The following GCC2 variants were observed in gnomAD, a reference collection of about 807,000 sequenced individuals.
GCC2 encodes GRIP and coiled-coil domain-containing protein 2.
In GCC2, 120 loss-of-function variants were observed where a neutral mutation model predicts 210.6. The ratio of observed to expected loss-of-function variants is 0.57; its 90% CI spans 0.49 to 0.66. The LOEUF (loss-of-function observed/expected upper bound fraction) is 0.66. Among genes scored for constraint, GCC2 ranks in the 30% least tolerant of loss-of-function variants. GCC2 has a pLI of 0.00. For synonymous variants in GCC2, 703 were observed against 652.7 expected (o/e 1.08, Z -1.17); for missense variants, 1,868 against 1,871.9 (o/e 1.00, Z 0.04).
At chr2:108,484,476 C>T (rs1321929111) in intron 13 of GCC2, 165 bp downstream of exon 13, 5 of 456,878 alleles carry the variant, frequency 1.1e-5, no homozygotes, top group Admixed American at 4.1e-5. Context: ...AACTGTTTGC[C>T]ATTAAGTTGT....
At chr2:108,504,842 G>A (rs904338295) in intron 22 of GCC2, among the ~76,000 whole-genome samples, 8 of 151,986 alleles carry the variant, frequency 5.3e-5, no homozygotes, top group East Asian at 1.9e-4. Context: ...CATACACAGA[G>A]GTCTAAAACT....
At position 108,456,053 on chromosome 2, in the gene GCC2, T is replaced by C. The variant is rs1680257723; in HGVS notation, c.216+3587T>C. Among the ~76,000 whole-genome samples the C allele has an allele frequency of 3.3e-5, 5 of 152,200 alleles. No individual in the cohort carries two copies. In the South Asian group the frequency reaches 1.0e-3, roughly 32 times the overall value. ...AGGCTGTAGTGCAGTGGCATGATCT[T>C]GGCTCACTGCAAGCTCTGCCTTCCA... On this transcript the variant is annotated intron_variant, in intron 4 of 22. Coordinates refer to ENST00000309863, the MANE Select transcript of GCC2 (RefSeq NM_181453.4).
intron 4 of GCC2, among the ~76,000 whole-genome samples, chr2:108,464,992 A>G (rs1357980525): frequency 6.6e-6 from 1 of 152,172 alleles, no homozygotes; most frequent in East Asian, 1.9e-4. Context: ...CACACACTTT[A>G]AACAACCAAA....
chr2:108,498,137 T>TAACTAGCCC, intron 21 of GCC2, among the ~76,000 whole-genome samples: 1 of 147,898 alleles, frequency 6.8e-6, no homozygotes, highest in East Asian at 2.1e-4. Flanking sequence ...AACAAATCAC[T>TAACTAGCCC]AACTAGCCCA....
chr2:108,469,324 C>T (rs772547354), intron 5 of GCC2: 9 of 410,440 alleles, frequency 2.2e-5, no homozygotes, highest in South Asian at 5.5e-5. Flanking sequence ...TTACTAAAAG[C>T]GAAAAAAAGT....
chr2:108,507,407 C>CG (rs1455966161), intron 22 of GCC2, 153 bp from the exon 23 acceptor site: 1 of 298,882 alleles, frequency 3.3e-6, no homozygotes, highest in South Asian at 2.9e-5. Context: ...AAAAAAGAAC[C>CG]CCCCCCCCCA....
Position 108,470,326 on chromosome 2 carries a change from A to G in GCC2, c.997A>G (p.Lys333Glu). 1 of 1,611,110 alleles carries G rather than the reference A, an allele frequency of 6.2e-7. No homozygotes were observed. ...NTFVEQVVNE[K>E]VKHLEDTLKE... ...ATTTGTAGAACAAGTAGTAAATGAA[A>G]AAGTCAAACACTTAGAAGATACCTT... Residue 333 changes from lysine to glutamate, a missense_variant, in exon 6 of 23, where the codon AAA becomes GAA. This residue lies in a region of GCC2 where 1,847 missense variants were observed against 1,765.2 expected (regional missense o/e 1.05). Coordinates refer to ENST00000309863, the MANE Select transcript of GCC2 (RefSeq NM_181453.4).
chr2:108,506,084 TTAAAAACC>T lies in GCC2; in HGVS notation c.4985-1475_4985-1468del, dbSNP rs1388946784. ...CCTATGCACAAACCTTGTGAATATA[TTAAAAACC>T]AGTGACTTATGCACTTTAAAAAGGT... On this transcript the variant is annotated intron_variant, in intron 22 of 22. Transcript: ENST00000309863. 1.2e-4 allele frequency among the ~76,000 whole-genome samples: 18 copies of T among 152,280 alleles called. No individual in the cohort carries two copies. The Middle Eastern group carries it at 0.014, about 115-fold the overall frequency.
intron 9 of GCC2, among the ~76,000 whole-genome samples, chr2:108,480,717 A>G (rs772949760): frequency 6.6e-6 from 1 of 151,780 alleles, no homozygotes; most frequent in African/African-American, 2.4e-5. Flanking sequence ...ACATGGACAC[A>G]TACAGAGGAA....
intron 4 of GCC2, 68 bp downstream of exon 4, chr2:108,452,534 G>A (rs964479502): frequency 2.2e-6 from 2 of 906,784 alleles, no homozygotes; most frequent in Non-Finnish European, 3.7e-6. Flanking sequence ...GTCTGCTAGA[G>A]GCTATCTGGC....
intron 4 of GCC2, among the ~76,000 whole-genome samples, chr2:108,464,535 A>G (rs145317462): frequency 5.9e-4 from 90 of 152,308 alleles, no homozygotes; most frequent in African/African-American, 1.9e-3. Flanking sequence ...GGACCCTTCT[A>G]TGGCTAGGAT....
At chr2:108,463,509 T>C (rs1430583963) in intron 4 of GCC2, among the ~76,000 whole-genome samples, 1 of 152,166 alleles carries the variant, frequency 6.6e-6, no homozygotes, top group Admixed American at 6.5e-5. Flanking sequence ...TGACTTAGGG[T>C]GCAGTTGTTA....
chr2:108,457,898 G>A (rs537961262), intron 4 of GCC2, among the ~76,000 whole-genome samples: 23 of 152,138 alleles, frequency 1.5e-4, no homozygotes, highest in Non-Finnish European at 2.9e-4. Flanking sequence ...CATGTTTCCA[G>A]TTTGGATGTC....
At chr2:108,483,679 G>C (rs1348442537) in intron 12 of GCC2, among the ~76,000 whole-genome samples, 2 of 152,178 alleles carry the variant, frequency 1.3e-5, no homozygotes, top group Non-Finnish European at 2.9e-5. Flanking sequence ...CTAGGCTCCT[G>C]AGTTACAAGA....
At chr2:108,474,620 A>AT (rs1681411795) in intron 7 of GCC2, among the ~76,000 whole-genome samples, 1 of 152,098 alleles carries the variant, frequency 6.6e-6, no homozygotes, top group Non-Finnish European at 1.5e-5. Context: ...GGGTGGTTTA[A>AT]TTTTTTTATT....
chr2:108,457,307 G>T (rs1680325288), intron 4 of GCC2, among the ~76,000 whole-genome samples: 2 of 152,074 alleles, frequency 1.3e-5, no homozygotes, highest in Non-Finnish European at 2.9e-5. Flanking sequence ...TAAATATGAG[G>T]ATTTATTTTT....
chr2:108,493,176 A>C (rs1573226367), intron 19 of GCC2: 1 of 247,030 alleles, frequency 4.0e-6, no homozygotes, highest in Non-Finnish European at 7.8e-6. Flanking sequence ...TGCAAGCTCC[A>C]CCTCCCGAGT....
intron 4 of GCC2, among the ~76,000 whole-genome samples, chr2:108,468,275 A>G (rs1681007879): frequency 6.6e-6 from 1 of 152,116 alleles, no homozygotes; most frequent in East Asian, 1.9e-4. Context: ...CATGTTGCCC[A>G]GGCTGGTCTT....
chr2:108,482,567 A>G lies in GCC2; in HGVS notation c.3345+116A>G, dbSNP rs1394691042. ...ATTTATGAATACAGCAGAGTTCATT[A>G]ATTCCTTAATACCAACCATAAATTT... On this transcript the variant is annotated intron_variant, in intron 11 of 22. Coordinates refer to ENST00000309863, the MANE Select transcript of GCC2 (RefSeq NM_181453.4). The G allele has an allele frequency of 4.9e-5, 28 of 568,714 alleles. No homozygotes were observed. In the East Asian group the frequency reaches 7.9e-4, roughly 16 times the overall value. 35.2% of individuals were successfully genotyped at this position (568,714 alleles called of 1,614,324 possible).
Sources: allele counts gnomAD v4.1 joint callset (sites outside exome capture counted in the v4.1 genomes callset), GRCh38; gene constraint gnomAD v4.1.1; regional missense constraint gnomAD v4.1.1; transcripts MANE v1.5; gene names NCBI Gene and HGNC (gene_info 2026-07-23, HGNC 2026-07-21).